The following SLC37A1 variants were observed in gnomAD, a reference collection of about 807,000 sequenced individuals.
SLC37A1 encodes solute carrier family 37 member 1.
In SLC37A1, 49 loss-of-function variants were observed where a neutral mutation model predicts 75.3. The observed-to-expected ratio is 0.65, with a 90% CI of 0.52 to 0.83. SLC37A1 has a LOEUF of 0.83. Among genes scored for constraint, SLC37A1 ranks in the 40% least tolerant of loss-of-function variants. SLC37A1 has a pLI of 0.00. For missense variants in SLC37A1, 566 were observed against 695.0 expected (o/e 0.81, Z 2.09); for synonymous variants, 268 against 292.1 (o/e 0.92, Z 0.84).
At chr21:42,565,045 C>T (rs904539072) in intron 14 of SLC37A1, among the ~76,000 whole-genome samples, 5 of 152,284 alleles carry the variant, frequency 3.3e-5, no homozygotes, top group Non-Finnish European at 7.3e-5. Context: ...CTTTGGGGTG[C>T]CCCCTTGCCC....
chr21:42,549,274 G>A (rs2055498382), intron 9 of SLC37A1, among the ~76,000 whole-genome samples: 1 of 152,202 alleles, frequency 6.6e-6, no homozygotes, highest in Non-Finnish European at 1.5e-5. Context: ...CGTGCAGGGG[G>A]TTTTGGGGAG....
chr21:42,575,039 T>A, intron 18 of SLC37A1, 124 bp downstream of exon 18: 1 of 1,470,982 alleles, frequency 6.8e-7, no homozygotes, highest in Non-Finnish European at 9.0e-7. Context: ...TCTTCCCATC[T>A]TTTCTAAATA....
intron 3 of SLC37A1, among the ~76,000 whole-genome samples, chr21:42,526,294 G>A (rs1259514857): frequency 6.6e-6 from 1 of 152,124 alleles, no homozygotes; most frequent in Non-Finnish European, 1.5e-5. Context: ...TTGTTAAGCA[G>A]GTGTTCTACT....
intron 17 of SLC37A1, among the ~76,000 whole-genome samples, chr21:42,572,184 C>G (rs894136671): frequency 6.6e-6 from 1 of 152,178 alleles, no homozygotes; most frequent in Admixed American, 6.5e-5. Context: ...GTCACTGACA[C>G]GTTCACAGAC....
intron 10 of SLC37A1, 110 bp downstream of exon 10, chr21:42,554,252 C>A: frequency 1.1e-6 from 1 of 918,982 alleles, no homozygotes; most frequent in Non-Finnish European, 1.6e-6. Context: ...TCACAAACAT[C>A]CAGGTCTTAA....
Position 42,579,920 on chromosome 21 carries a change from A to G in SLC37A1, c.1586+120A>G, listed in dbSNP as rs890480602. The G allele has an allele frequency of 1.2e-5, 10 of 864,976 alleles. No individual in the cohort carries two copies. The Admixed American group carries it at 2.1e-4, about 18-fold the overall frequency. The allele number at this position is 864,976 out of a possible 1,614,324, so 53.6% of individuals were successfully genotyped here. A position where few individuals can be genotyped will look rare whatever the true frequency, so the allele number is the denominator to read the frequency against. On this transcript the variant is annotated intron_variant, in intron 19 of 19. Transcript: ENST00000352133. ...AAGAAAACGCGTGGCTTATCTTTTCACGGCACGCCACCTTCACTCTCACTT... is the reference window on the plus strand; with the variant it reads ...AAGAAAACGCGTGGCTTATCTTTTCGCGGCACGCCACCTTCACTCTCACTT...
At chr21:42,519,755 A>T (rs2054600581) in intron 2 of SLC37A1, among the ~76,000 whole-genome samples, 2 of 152,088 alleles carry the variant, frequency 1.3e-5, no homozygotes. Flanking sequence ...GACTTATTTC[A>T]TGTCTGCTGT....
In SLC37A1 at chr21:42,547,922, A is replaced by G. The variant is rs2055454080; in HGVS notation, c.768+782A>G. 2.0e-5 allele frequency among the ~76,000 whole-genome samples: 3 copies of G among 152,120 alleles called. No individual in the cohort carries two copies. ...TGCAGGCCACCGCCACCTCACGGGA[A>G]CAGCCCATCAGATCCCAGCAACGTC... On this transcript the variant is annotated intron_variant, in intron 9 of 19. Transcript: ENST00000352133. This position sits in a 1 kb window ranked among gnomAD's most constrained non-coding sequence, Gnocchi z 6.1.
chr21:42,508,723 C>A (rs1162593832), intron 2 of SLC37A1: 1 of 152,184 alleles, frequency 6.6e-6, no homozygotes, highest in Non-Finnish European at 1.5e-5. Context: ...CAGTTAGAAT[C>A]CAGTTTACTC....
intron 3 of SLC37A1, among the ~76,000 whole-genome samples, chr21:42,529,937 C>A (rs1449297134): frequency 6.6e-6 from 1 of 152,136 alleles, no homozygotes; most frequent in Non-Finnish European, 1.5e-5. Flanking sequence ...CTACAGCCTT[C>A]AGACATACTT....
At chr21:42,540,041 G>A (rs1046302768) in intron 6 of SLC37A1, among the ~76,000 whole-genome samples, 1 of 86,714 alleles carries the variant, frequency 1.2e-5, no homozygotes, top group East Asian at 3.4e-4. Context: ...CCCTAACAGC[G>A]GTGGCAGGGA....
chr21:42,574,860 C>T lies in SLC37A1; in HGVS notation c.1466C>T (p.Ser489Phe). 6.2e-7 allele frequency: 1 copy of T among 1,614,174 alleles called. No homozygotes were observed. The highest frequency in any genetic ancestry group is 8.5e-7 in the Non-Finnish European group (1 of 1,180,018). The change falls in exon 18 of 20, where the codon TCC (serine) becomes TTC (phenylalanine). Residue 489 changes from serine to phenylalanine, a missense_variant. Physicochemically the swap from Ser to Phe is radical, Grantham distance 155 (BLOSUM62 -2). Coordinates refer to ENST00000352133, the MANE Select transcript of SLC37A1 (RefSeq NM_001320537.2). ...GPLLAGLLSP[S>F]GWSNVFYMLM... ...CTGCTGGCTGGGCTCCTCTCCCCGT[C>T]CGGCTGGAGCAATGTGTTTTACATG...
intron 17 of SLC37A1, among the ~76,000 whole-genome samples, chr21:42,569,525 A>G (rs1359972232): frequency 5.4e-5 from 1 of 18,688 alleles, no homozygotes; most frequent in African/African-American, 4.0e-4. Flanking sequence ...CTCGTGCCGC[A>G]CTCCCTCGTG....
chr21:42,572,154 G>A lies in SLC37A1; in HGVS notation c.1424-2664G>A, dbSNP rs554120247. On this transcript the variant is annotated intron_variant, in intron 17 of 19. Transcript: ENST00000352133. Reference sequence around the variant, plus strand: ...GAAACACCTTCTCTTCAGAACCCCCGTCTTCCAGCCTCCATTGCTGTCACT... The same window carrying A: ...GAAACACCTTCTCTTCAGAACCCCCATCTTCCAGCCTCCATTGCTGTCACT... Among the ~76,000 whole-genome samples the A allele has an allele frequency of 3.9e-5, 6 of 152,294 alleles. No homozygotes were observed. The East Asian group carries it at 5.8e-4, about 15-fold the overall frequency.
chr21:42,518,911 A>G (rs2054578672), intron 2 of SLC37A1, among the ~76,000 whole-genome samples: 1 of 152,254 alleles, frequency 6.6e-6, no homozygotes, highest in African/African-American at 2.4e-5. Context: ...CAGAGAGAAA[A>G]TGAAATGTTC....
rs2056244192 is a variant in SLC37A1, at chr21:42,573,743, T to C, written c.1424-1075T>C. Among the ~76,000 whole-genome samples the C allele has an allele frequency of 3.3e-5, 5 of 152,088 alleles. No individual in the cohort carries two copies. The South Asian group carries it at 1.0e-3, about 32-fold the overall frequency. The stretch of plus-strand genomic sequence containing the variant: ...TCTCAGAGTTGAATATGTCAGTTCA[T>C]AGGTTGGTGGAAATTCTTCATGCTT... On this transcript the variant is annotated intron_variant, in intron 17 of 19. Coordinates refer to ENST00000352133, the MANE Select transcript of SLC37A1 (RefSeq NM_001320537.2).
At chr21:42,569,432 C>G (rs1030707192) in intron 17 of SLC37A1, among the ~76,000 whole-genome samples, 1 of 152,234 alleles carries the variant, frequency 6.6e-6, no homozygotes. Context: ...GGCCCCCGTG[C>G]GGGCTCTTTG....
Position 42,579,757 on chromosome 21 carries a change from A to C in SLC37A1, c.1543A>C (p.Lys515Gln). The change falls in exon 19 of 20, where the codon AAG becomes CAG. Residue 515 changes from lysine (K) to glutamine (Q), a missense_variant. By Grantham distance (53) the Lys-to-Gln change is moderately conservative (BLOSUM62 1). Transcript: ENST00000352133. ...ALLFLIRLIH[K>Q]ELSCPGSATG... ...GCAGTTCCTGATCCGCCTCATACAC[A>C]AGGAGCTGAGCTGCCCAGGGTCAGC... 6.2e-7 allele frequency: 1 copy of C among 1,614,086 alleles called. No individual in the cohort carries two copies. Among genetic ancestry groups the C allele is most frequent in the Non-Finnish European group, 8.5e-7 (1 of 1,180,000 alleles).
rs111318344 is a variant in SLC37A1 at position 42,579,564 on chromosome 21, C to T, written c.1522-172C>T. On this transcript the variant is annotated intron_variant, in intron 18 of 19. Coordinates refer to ENST00000352133, the MANE Select transcript of SLC37A1 (RefSeq NM_001320537.2). The stretch of plus-strand genomic sequence containing the variant: ...CCCTGCCCACAGGAGCCCAGGCCTC[C>T]GGCTGAGCATGCAAGCCCCGCTGCT... Among the ~76,000 whole-genome samples the T allele has an allele frequency of 7.2e-3, 1,094 of 152,390 alleles. 10 individuals carry two copies. Among genetic ancestry groups the T allele is most frequent in the African/African-American group, 0.025 (1,032 of 41,596 alleles).
Sources: allele counts gnomAD v4.1 joint callset (sites outside exome capture counted in the v4.1 genomes callset), GRCh38; gene constraint gnomAD v4.1.1; non-coding constraint Gnocchi (gnomAD v3.1); transcripts MANE v1.5; gene names NCBI Gene and HGNC (gene_info 2026-07-23, HGNC 2026-07-21).